NEK10: variants seen among roughly 807,000 people sequenced by gnomAD.
The protein encoded by NEK10 is serine/threonine-protein kinase Nek10.
In NEK10, 122 loss-of-function variants were observed where a neutral mutation model predicts 159.8. The observed-to-expected ratio is 0.76, with a 90% CI of 0.66 to 0.89. The LOEUF (loss-of-function observed/expected upper bound fraction) is 0.89. Among genes scored for constraint, NEK10 ranks in the 40% least tolerant of loss-of-function variants. NEK10 has a pLI of 0.00. For synonymous variants in NEK10, 466 were observed against 457.1 expected (o/e 1.02, Z -0.25); for missense variants, 1,342 against 1,323.1 (o/e 1.01, Z -0.22).
chr3:27,153,983 CA>C (rs952064551), intron 30 of NEK10, among the ~76,000 whole-genome samples: 2 of 151,766 alleles, frequency 1.3e-5, no homozygotes, highest in Non-Finnish European at 2.9e-5. Flanking sequence ...GAAATTGAAA[CA>C]AAAAATATAC....
At chr3:27,171,264 C>G (rs1470389537) in intron 29 of NEK10, among the ~76,000 whole-genome samples, 1 of 152,182 alleles carries the variant, frequency 6.6e-6, no homozygotes, top group African/African-American at 2.4e-5. Flanking sequence ...AAGACAGTCT[C>G]TCAAACATAT....
intron 22 of NEK10, among the ~76,000 whole-genome samples, chr3:27,262,340 G>A (rs1418526831): frequency 6.6e-6 from 1 of 152,106 alleles, no homozygotes; most frequent in Non-Finnish European, 1.5e-5. Context: ...GAGTATCTTT[G>A]TGGCGTTCTC....
chr3:27,149,843 A>T (rs1406840606), intron 30 of NEK10, among the ~76,000 whole-genome samples: 2 of 152,250 alleles, frequency 1.3e-5, no homozygotes, highest in Admixed American at 6.5e-5. Flanking sequence ...AAAAGCCAAG[A>T]TACCAGAAAG....
chr3:27,196,614 A>G (rs1949583817), intron 25 of NEK10, among the ~76,000 whole-genome samples: 1 of 152,168 alleles, frequency 6.6e-6, no homozygotes, highest in African/African-American at 2.4e-5. Context: ...TGTTAACCCC[A>G]AGAGTCCTGG....
intron 22 of NEK10, among the ~76,000 whole-genome samples, chr3:27,275,049 A>G (rs2041668284): frequency 6.6e-6 from 1 of 152,180 alleles, no homozygotes; most frequent in Non-Finnish European, 1.5e-5. Context: ...TTGGCCTTAT[A>G]AACCTCAATT....
intron 26 of NEK10, among the ~76,000 whole-genome samples, chr3:27,178,755 C>A (rs756913722): frequency 5.9e-5 from 9 of 152,170 alleles, no homozygotes; most frequent in Non-Finnish European, 7.3e-5. Flanking sequence ...GTGGACTAGA[C>A]CATAGCTGAG....
chr3:27,215,225 A>C (rs1251711365), intron 23 of NEK10, among the ~76,000 whole-genome samples: 1 of 152,240 alleles, frequency 6.6e-6, no homozygotes, highest in Non-Finnish European at 1.5e-5. Context: ...GATTTTCAAA[A>C]CAGAGGGAAA....
rs567014458 is a variant in NEK10 at position 27,294,446 on chromosome 3, CTG to C, written c.1309-796_1309-795del. On this transcript the variant is annotated intron_variant, in intron 15 of 35. Coordinates refer to ENST00000691995, the MANE Select transcript of NEK10 (RefSeq NM_001394966.1). Reference sequence around the variant, plus strand: ...AGGAGCCAGGTGAGAGCAGTGGAGACTGTGAGAAAGGGAGAGCATGCATATTC... The same window carrying C: ...AGGAGCCAGGTGAGAGCAGTGGAGACTGAGAAAGGGAGAGCATGCATATTC... Among the ~76,000 whole-genome samples, 3 of 152,316 alleles carry C rather than the reference CTG, an allele frequency of 2.0e-5. No individual in the cohort carries two copies. In the South Asian group the frequency reaches 6.2e-4, roughly 32 times the overall value.
intron 30 of NEK10, among the ~76,000 whole-genome samples, chr3:27,149,113 T>C (rs1031754351): frequency 1.3e-5 from 2 of 150,554 alleles, no homozygotes; most frequent in Non-Finnish European, 3.0e-5. Flanking sequence ...AAAATAAATT[T>C]AATAAAAATA....
chr3:27,316,662 A>T (rs2045209622), intron 6 of NEK10, among the ~76,000 whole-genome samples: 1 of 152,204 alleles, frequency 6.6e-6, no homozygotes, highest in African/African-American at 2.4e-5. Context: ...GTTTGCCATG[A>T]CAATAAATTT....
At chr3:27,312,620 A>G (rs1236453657) in intron 7 of NEK10, among the ~76,000 whole-genome samples, 1 of 152,222 alleles carries the variant, frequency 6.6e-6, no homozygotes, top group East Asian at 1.9e-4. Context: ...TAACCAGCAT[A>G]CATGCAGTTA....
chr3:27,278,832 A>G, intron 22 of NEK10: 1 of 985,228 alleles, frequency 1.0e-6, no homozygotes, highest in Non-Finnish European at 1.2e-6. Flanking sequence ...TCATTTTGTA[A>G]TGTGATGGCA....
At chr3:27,129,080 G>T (rs183208633) in intron 32 of NEK10, among the ~76,000 whole-genome samples, 1 of 152,104 alleles carries the variant, frequency 6.6e-6, no homozygotes, top group African/African-American at 2.4e-5. Context: ...TTTCCTCCAT[G>T]CTGAAAATCC....
intron 22 of NEK10, among the ~76,000 whole-genome samples, chr3:27,259,453 C>A (rs1312954493): frequency 6.6e-6 from 1 of 152,162 alleles, no homozygotes; most frequent in Non-Finnish European, 1.5e-5. Context: ...CGAGTTTTCC[C>A]AGCACCGTTT....
chr3:27,115,598 C>T (rs1940286896), intron 35 of NEK10, among the ~76,000 whole-genome samples: 1 of 152,154 alleles, frequency 6.6e-6, no homozygotes, highest in Non-Finnish European at 1.5e-5. Flanking sequence ...AGTGAGTTTT[C>T]AGCTCTTCTA....
chr3:27,178,816 T>C lies in NEK10; in HGVS notation c.2506-3983A>G, dbSNP rs186219036. 7.8e-3 allele frequency among the ~76,000 whole-genome samples: 1,190 copies of C among 152,328 alleles called. 4 individuals carry two copies. Among genetic ancestry groups the C allele is most frequent in the Non-Finnish European group, 0.012 (825 of 68,018 alleles). On this transcript the variant is annotated intron_variant, in intron 26 of 35. Transcript: ENST00000691995. ...TAGGAACCTTTTCTCCAGGCCTCCC[T>C]ATGGAAGACTTGGCTTTGCCACATC... is the stretch of plus-strand genomic sequence containing the variant.
At chr3:27,203,253 C>G (rs908441614) in intron 23 of NEK10, among the ~76,000 whole-genome samples, 1 of 152,124 alleles carries the variant, frequency 6.6e-6, no homozygotes. Context: ...TTTGTGGTGA[C>G]TAATGATAAG....
chr3:27,245,102 A>G (rs951612577), intron 23 of NEK10, among the ~76,000 whole-genome samples: 1 of 152,132 alleles, frequency 6.6e-6, no homozygotes, highest in African/African-American at 2.4e-5. Flanking sequence ...TATTTAGCCC[A>G]CTGCATCATT....
chr3:27,286,156 G>C (rs1363507532), intron 20 of NEK10, among the ~76,000 whole-genome samples: 31 of 133,758 alleles, frequency 2.3e-4, no homozygotes, highest in Non-Finnish European at 3.7e-4. Context: ...CGCGATCTTG[G>C]CTCACTGCAC....
Sources: allele counts gnomAD v4.1 joint callset (sites outside exome capture counted in the v4.1 genomes callset), GRCh38; gene constraint gnomAD v4.1.1; transcripts MANE v1.5; gene names NCBI Gene and HGNC (gene_info 2026-07-23, HGNC 2026-07-21).